PTGR2: variants seen among roughly 807,000 people sequenced by gnomAD.
PTGR2 encodes prostaglandin reductase 2.
A neutral mutation model predicts 43.4 loss-of-function variants in PTGR2; 32 were observed. That is an observed-to-expected ratio of 0.74 (90% CI 0.56 to 0.99). The LOEUF is 0.99. Among genes scored for constraint, PTGR2 ranks in the 50% least tolerant of loss-of-function variants. The probability of loss-of-function intolerance (pLI) is 0.00; values close to 1 mark genes in which losing one functional copy is unlikely to be tolerated. For synonymous variants in PTGR2, 106 were observed against 139.2 expected (o/e 0.76, Z 1.68); for missense variants, 373 against 420.0 (o/e 0.89, Z 0.98).
intron 3 of PTGR2, chr14:73,860,945 C>T (rs1287872668): frequency 5.3e-6 from 1 of 188,746 alleles, no homozygotes; most frequent in Non-Finnish European, 1.1e-5. Context: ...AACAGGATTG[C>T]AAATTCAGTA....
rs1310240066 is a variant in PTGR2 at position 73,884,208 on chromosome 14, ATTTC to A, written c.*35_*38del. ...GTAAATGTCATCAAGGCAATCATAG[ATTTC>A]TTTTCCATTTTGCATATTTTCAAAG... On this transcript the variant is annotated 3_prime_UTR_variant, in exon 10 of 10. Transcript: ENST00000555661. 2.2e-6 allele frequency: 3 copies of A among 1,359,008 alleles called. No homozygotes were observed. The highest frequency in any genetic ancestry group is 3.1e-6 in the Non-Finnish European group (3 of 963,694). 84.2% of individuals were successfully genotyped at this position (1,359,008 alleles called of 1,614,324 possible).
intron 1 of PTGR2, among the ~76,000 whole-genome samples, chr14:73,852,372 C>A (rs1283064919): frequency 1.3e-5 from 2 of 152,096 alleles, no homozygotes; most frequent in Non-Finnish European, 2.9e-5. Context: ...AGCGATTCTC[C>A]TGCCTCAGCC....
At chr14:73,872,237 G>C (rs2054753057) in intron 3 of PTGR2, among the ~76,000 whole-genome samples, 1 of 152,166 alleles carries the variant, frequency 6.6e-6, no homozygotes, top group African/African-American at 2.4e-5. Context: ...GCACTTATCT[G>C]AGGTTAGGGG....
In PTGR2 at chr14:73,880,135, C is replaced by T; in HGVS notation, c.810C>T (p.Ser270=). 6.2e-7 allele frequency: 1 copy of T among 1,613,888 alleles called. No individual in the cohort carries two copies. The highest frequency in any genetic ancestry group is 8.5e-7 in the Non-Finnish European group (1 of 1,179,876). ...ATGTGCCTTATCCTCCCCCGCTATC[C>T]CCTGCTATAGAGGCAATCCAGAAAG... ...NKDVPYPPPL[S]PAIEAIQKER... The change falls in exon 7 of 10, where the codon TCC becomes TCT. Residue 270 remains serine (S), a synonymous_variant. Transcript: ENST00000555661.
At chr14:73,875,802 G>A (rs1435059083) in intron 4 of PTGR2, among the ~76,000 whole-genome samples, 1 of 148,032 alleles carries the variant, frequency 6.8e-6, no homozygotes, top group African/African-American at 2.5e-5. Context: ...TCTTACATGG[G>A]AAATTTTTTA....
At chr14:73,870,971 C>A (rs1012629007) in intron 3 of PTGR2, among the ~76,000 whole-genome samples, 4 of 152,148 alleles carry the variant, frequency 2.6e-5, no homozygotes, top group African/African-American at 9.7e-5. Context: ...CTTGGAATCT[C>A]CAAGGTGTCT....
chr14:73,863,749 G>A (rs924310143), intron 3 of PTGR2, among the ~76,000 whole-genome samples: 1 of 151,670 alleles, frequency 6.6e-6, no homozygotes, highest in African/African-American at 2.4e-5. Flanking sequence ...CGAGTAGCTG[G>A]GATTAACAGG....
chr14:73,856,783 G>T (rs1345005444), intron 1 of PTGR2, among the ~76,000 whole-genome samples: 1 of 152,168 alleles, frequency 6.6e-6, no homozygotes, highest in Non-Finnish European at 1.5e-5. Flanking sequence ...ATCACCTAAT[G>T]TCACATTTCT....
intron 1 of PTGR2, chr14:73,858,609 G>T (rs2140235961): frequency 3.0e-6 from 1 of 338,458 alleles, no homozygotes; most frequent in Admixed American, 4.1e-5. Flanking sequence ...CAATGAACTT[G>T]TTCCTATTAG....
chr14:73,875,235 C>G (rs12895980), intron 4 of PTGR2, among the ~76,000 whole-genome samples: 22,881 of 151,918 alleles, frequency 0.15, 2,230 homozygotes, highest in East Asian at 0.33. Context: ...TGGCCTCAAC[C>G]GATCCTCCCG....
At chr14:73,879,366 T>C in intron 6 of PTGR2, 61 bp downstream of exon 6, 3 of 1,473,158 alleles carry the variant, frequency 2.0e-6, no homozygotes, top group Non-Finnish European at 2.8e-6. Context: ...TGATATCTTT[T>C]TACCTAATAC....
intron 3 of PTGR2, among the ~76,000 whole-genome samples, chr14:73,871,757 C>G (rs2054739467): frequency 6.6e-6 from 1 of 152,098 alleles, no homozygotes; most frequent in Non-Finnish European, 1.5e-5. Context: ...GGAAATACCC[C>G]TCCACATCTG....
intron 4 of PTGR2, among the ~76,000 whole-genome samples, chr14:73,875,469 C>G (rs1808116099): frequency 6.6e-6 from 1 of 152,108 alleles, no homozygotes; most frequent in African/African-American, 2.4e-5. Flanking sequence ...CCTCAGCCAC[C>G]TGGGTAGCTG....
At chr14:73,854,935 G>C (rs2140227655) in intron 1 of PTGR2, among the ~76,000 whole-genome samples, 1 of 152,286 alleles carries the variant, frequency 6.6e-6, no homozygotes, top group East Asian at 1.9e-4. Flanking sequence ...ATAAGGGGAG[G>C]AGATAGAAGA....
At chr14:73,876,616 C>T (rs890696916) in intron 4 of PTGR2, among the ~76,000 whole-genome samples, 2 of 151,510 alleles carry the variant, frequency 1.3e-5, no homozygotes, top group African/African-American at 4.8e-5. Flanking sequence ...GCTGGGATTA[C>T]AGGCGCATGC....
Position 73,879,086 on chromosome 14 carries a change from TC to T in PTGR2, c.520-4del. 1.2e-6 allele frequency: 2 copies of T among 1,610,880 alleles called. No homozygotes were observed. Among genetic ancestry groups the T allele is most frequent in the Non-Finnish European group, 1.7e-6 (2 of 1,177,858 alleles). ...TATAAAGCCATTTAATCTTCAAATT[TC>T]CCCCCTAGATTGGCCATTTCTTAGG... On this transcript the variant is annotated splice_polypyrimidine_tract_variant and intron_variant, in intron 5 of 9. Transcript: ENST00000555661.
chr14:73,862,718 T>C (rs993562058), intron 3 of PTGR2, among the ~76,000 whole-genome samples: 2 of 152,046 alleles, frequency 1.3e-5, no homozygotes, highest in Admixed American at 1.3e-4. Flanking sequence ...TTTTATTAAT[T>C]TTTAACTTTT....
Position 73,877,028 on chromosome 14 carries a change from T to A in PTGR2, c.379T>A (p.Ser127Thr). ...VDPQLVDGHL[S>T]YFLGAIGMPG... ...CCCACAACTTGTGGATGGACACCTTTCATATTTTCTTGGAGCTATAGGTAT... is the reference window on the plus strand; with the variant it reads ...CCCACAACTTGTGGATGGACACCTTACATATTTTCTTGGAGCTATAGGTAT... The change falls in exon 5 of 10, where the codon TCA (serine) becomes ACA (threonine). Residue 127 changes from serine to threonine, a missense_variant. Ser to Thr is a moderately conservative substitution (Grantham distance 58, BLOSUM62 1). Coordinates refer to ENST00000555661, the MANE Select transcript of PTGR2 (RefSeq NM_001146154.2). 1 of 1,613,606 alleles carries A rather than the reference T, an allele frequency of 6.2e-7. No individual in the cohort carries two copies. Among genetic ancestry groups the A allele is most frequent in the South Asian group, 1.1e-5 (1 of 91,042 alleles).
rs10131922 is a variant in PTGR2, at chr14:73,863,903, A to G, written c.156+3246A>G. On this transcript the variant is annotated intron_variant, in intron 3 of 9. Coordinates refer to ENST00000555661, the MANE Select transcript of PTGR2 (RefSeq NM_001146154.2). ...AGTGCTAGGATTACAGGTGTGAGCC[A>G]TCACACCTGGCCGACTCATATCTAA... Among the ~76,000 whole-genome samples, 1,479 of 152,218 alleles carry G rather than the reference A, an allele frequency of 9.7e-3. 22 individuals carry two copies. The highest frequency in any genetic ancestry group is 0.034 in the African/African-American group (1,407 of 41,522).
Sources: gnomAD v4.1 joint callset for allele counts (sites outside exome capture counted in the v4.1 genomes callset) on GRCh38, gnomAD v4.1.1 for gene constraint, MANE v1.5 for transcripts, NCBI Gene and HGNC (gene_info 2026-07-23, HGNC 2026-07-21) for gene names.